The following CEP128 variants were observed in gnomAD, a reference collection of about 807,000 sequenced individuals.
CEP128 encodes centrosomal protein 128kDa.
CEP128 carries 132 observed loss-of-function variants against 156.7 expected under a neutral mutation model. The ratio of observed to expected loss-of-function variants is 0.84; its 90% CI spans 0.73 to 0.97. The LOEUF is 0.97. CEP128 is among the 50% of genes least tolerant of loss of function. The probability of loss-of-function intolerance (pLI) is 0.00; values close to 1 mark genes in which losing one functional copy is unlikely to be tolerated. For missense variants in CEP128, 1,252 were observed against 1,281.9 expected (o/e 0.98, Z 0.36); for synonymous variants, 469 against 448.9 (o/e 1.04, Z -0.57).
intron 19 of CEP128, among the ~76,000 whole-genome samples, chr14:80,637,000 C>T (rs1372339023): frequency 2.0e-5 from 3 of 151,742 alleles, no homozygotes; most frequent in Non-Finnish European, 2.9e-5. Context: ...GCAGGAGAAT[C>T]GCTTGAACCC....
chr14:80,882,447 G>A (rs911614517), intron 8 of CEP128, among the ~76,000 whole-genome samples: 1 of 152,116 alleles, frequency 6.6e-6, no homozygotes, highest in Non-Finnish European at 1.5e-5. Flanking sequence ...TGGAAAAAAA[G>A]AGAACCCTCC....
At chr14:80,621,009 CA>C (rs1386639835) in intron 19 of CEP128, among the ~76,000 whole-genome samples, 2 of 152,048 alleles carry the variant, frequency 1.3e-5, no homozygotes, top group East Asian at 3.9e-4. Flanking sequence ...GGATAATTGT[CA>C]CATCTAAAGC....
At chr14:80,808,837 A>G (rs1179469900) in intron 13 of CEP128, among the ~76,000 whole-genome samples, 1 of 152,138 alleles carries the variant, frequency 6.6e-6, no homozygotes, top group East Asian at 1.9e-4. Context: ...CTTCCCAACC[A>G]ACGCCACTAA....
rs544102933 is a variant in CEP128, at chr14:80,626,027, T to C, written c.2807-45604A>G. ...TATATTGAATAATCAGCCCCAAAGATAGTCAGGTTCTAATTCCTGGAATAT... is the reference window on the plus strand; with the variant it reads ...TATATTGAATAATCAGCCCCAAAGACAGTCAGGTTCTAATTCCTGGAATAT... On this transcript the variant is annotated intron_variant, in intron 19 of 24. Transcript: ENST00000555265. 2.6e-5 allele frequency among the ~76,000 whole-genome samples: 4 copies of C among 152,294 alleles called. No homozygotes were observed. The South Asian group carries it at 6.2e-4, about 24-fold the overall frequency.
chr14:80,803,451 G>A (rs1007363400), intron 13 of CEP128, among the ~76,000 whole-genome samples: 1 of 151,984 alleles, frequency 6.6e-6, no homozygotes, highest in Admixed American at 6.6e-5. Context: ...TGGGCAGTGG[G>A]GAAAAAAGAG....
At chr14:80,660,674 C>G (rs1195753633) in intron 19 of CEP128, among the ~76,000 whole-genome samples, 2 of 152,112 alleles carry the variant, frequency 1.3e-5, no homozygotes, top group Admixed American at 6.6e-5. Flanking sequence ...CCAATTCTCA[C>G]AATAGTCTTA....
intron 19 of CEP128, among the ~76,000 whole-genome samples, chr14:80,633,122 G>C (rs571580028): frequency 6.6e-6 from 1 of 151,208 alleles, no homozygotes; most frequent in African/African-American, 2.5e-5. Context: ...AGCTATTCTG[G>C]AGGCTGAGGC....
chr14:80,610,069 C>T (rs1003509943), intron 19 of CEP128, among the ~76,000 whole-genome samples: 1 of 152,072 alleles, frequency 6.6e-6, no homozygotes, highest in African/African-American at 2.4e-5. Flanking sequence ...TAAATGGTAG[C>T]ACGTTATATA....
chr14:80,819,253 T>C (rs938757210), intron 13 of CEP128, among the ~76,000 whole-genome samples: 1 of 141,358 alleles, frequency 7.1e-6, no homozygotes, highest in African/African-American at 2.7e-5. Context: ...TTTTTTTTTT[T>C]TTTTTTTTTT....
rs1890567829 is a variant in CEP128, at chr14:80,559,266, T to C, written c.2880+13A>G. 2.5e-5 allele frequency: 40 copies of C among 1,604,614 alleles called. No homozygotes were observed. Among genetic ancestry groups the C allele is most frequent in the Non-Finnish European group, 3.2e-5 (38 of 1,174,970 alleles). ...AATTCTGATAAAAGGAGAAAGAAAA[T>C]GCCCCAACTTACCGTTTCTAATGCA... On this transcript the variant is annotated intron_variant, in intron 21 of 24. Coordinates refer to ENST00000555265, the MANE Select transcript of CEP128 (RefSeq NM_152446.5).
At chr14:80,562,991 C>T (rs908759042) in intron 20 of CEP128, among the ~76,000 whole-genome samples, 3 of 151,958 alleles carry the variant, frequency 2.0e-5, no homozygotes, top group Middle Eastern at 3.2e-3. Context: ...TGATATGCTT[C>T]ATGATTAAAA....
intron 15 of CEP128, among the ~76,000 whole-genome samples, chr14:80,780,094 A>G (rs1460096362): frequency 6.6e-6 from 1 of 152,216 alleles, no homozygotes; most frequent in East Asian, 1.9e-4. Flanking sequence ...TTAAATTTAA[A>G]TTTAAAAATA....
chr14:80,587,112 T>C (rs1202414992), intron 19 of CEP128, among the ~76,000 whole-genome samples: 1 of 152,046 alleles, frequency 6.6e-6, no homozygotes, highest in Non-Finnish European at 1.5e-5. Flanking sequence ...AACAAACAGT[T>C]GTAATTTAAA....
chr14:80,856,670 T>TGTGTGTGC (rs1278413564), intron 9 of CEP128, among the ~76,000 whole-genome samples: 1 of 149,164 alleles, frequency 6.7e-6, no homozygotes, highest in Non-Finnish European at 1.5e-5. Context: ...CCTGCGTGTG[T>TGTGTGTGC]GTGTGTGCGT....
intron 2 of CEP128, among the ~76,000 whole-genome samples, chr14:80,951,146 T>C (rs983459067): frequency 3.9e-5 from 6 of 152,114 alleles, no homozygotes; most frequent in Non-Finnish European, 5.9e-5. Flanking sequence ...AGCAGATATG[T>C]ATGACAAAAA....
At chr14:80,552,510 C>T (rs1212948901) in intron 21 of CEP128, among the ~76,000 whole-genome samples, 2 of 152,050 alleles carry the variant, frequency 1.3e-5, no homozygotes, top group Non-Finnish European at 2.9e-5. Context: ...CAGTAAAAAG[C>T]TTTTAAAACG....
intron 19 of CEP128, among the ~76,000 whole-genome samples, chr14:80,647,949 T>C (rs1212217744): frequency 6.6e-6 from 1 of 152,118 alleles, no homozygotes; most frequent in African/African-American, 2.4e-5. Context: ...TGGAAAATTA[T>C]ATTTCCCAAC....
At chr14:80,901,700 C>T (rs1303402682) in intron 6 of CEP128, among the ~76,000 whole-genome samples, 1 of 152,152 alleles carries the variant, frequency 6.6e-6, no homozygotes, top group Non-Finnish European at 1.5e-5. Context: ...TCCTACCTTC[C>T]CCACATGGCT....
chr14:80,527,158 G>A (rs1889012071), intron 22 of CEP128, 176 bp from the exon 23 acceptor site: 1 of 557,806 alleles, frequency 1.8e-6, no homozygotes, highest in Non-Finnish European at 3.2e-6. Context: ...GCTACACACA[G>A]TGGCTCAAAC....
Sources: allele counts gnomAD v4.1 joint callset (sites outside exome capture counted in the v4.1 genomes callset), GRCh38; gene constraint gnomAD v4.1.1; transcripts MANE v1.5; gene names NCBI Gene and HGNC (gene_info 2026-07-23, HGNC 2026-07-21).